HKDC1: variants seen among roughly 807,000 people sequenced by gnomAD.
The protein encoded by HKDC1 is hexokinase domain containing 1.
Under a neutral mutation model 96.6 loss-of-function variants are expected in HKDC1, and 66 were observed. That is an observed-to-expected ratio of 0.68 (90% CI 0.56 to 0.84). The LOEUF is 0.84. HKDC1 is among the 40% of genes least tolerant of loss of function. The probability of loss-of-function intolerance (pLI) is 0.00; values close to 1 mark genes in which losing one functional copy is unlikely to be tolerated. For synonymous variants in HKDC1, 466 were observed against 473.1 expected (o/e 0.98, Z 0.20); for missense variants, 1,211 against 1,208.1 (o/e 1.00, Z -0.04).
Position 69,232,997 on chromosome 10 carries a change from C to T in HKDC1, c.376-17C>T, listed in dbSNP as rs771438238. ...ACCACACCTTAGCCCATGTACTTTG[C>T]TTTCTCTTCTCTGCAGCTGTTTGAA... On this transcript the variant is annotated splice_polypyrimidine_tract_variant and intron_variant, in intron 3 of 17. Transcript: ENST00000354624. 5 of 1,613,658 alleles carry T rather than the reference C, an allele frequency of 3.1e-6. No individual in the cohort carries two copies. In the Admixed American group the frequency reaches 6.7e-5, roughly 22 times the overall value.
At chr10:69,227,758 G>A (rs750351578) in intron 2 of HKDC1, among the ~76,000 whole-genome samples, 3 of 152,164 alleles carry the variant, frequency 2.0e-5, no homozygotes, top group African/African-American at 7.2e-5. Flanking sequence ...CCCACTCTGA[G>A]TCTCCACCAA....
intron 6 of HKDC1, among the ~76,000 whole-genome samples, chr10:69,241,067 A>AAAAAAAC (rs1171821600): frequency 7.2e-5 from 11 of 152,030 alleles, no homozygotes; most frequent in Admixed American, 2.6e-4. Context: ...TTAGCGTGAT[A>AAAAAAAC]AAAAAACAAA....
rs915512740 is a variant in HKDC1, at chr10:69,266,465, A to AC, written c.2607-145_2607-144insC. The AC allele has an allele frequency of 5.0e-6, 4 of 796,338 alleles. No homozygotes were observed. In the Admixed American group the frequency reaches 1.3e-4, roughly 25 times the overall value. 49.3% of individuals were successfully genotyped at this position (796,338 alleles called of 1,614,324 possible). On this transcript the variant is annotated intron_variant, in intron 17 of 17. Coordinates refer to ENST00000354624, the MANE Select transcript of HKDC1 (RefSeq NM_025130.4). The stretch of plus-strand genomic sequence containing the variant: ...GGGCAACAGAGTGAGACCATGTCTA[A>AC]AAAAAAAAAAAAATTAGAAGAAGCT...
chr10:69,247,190 G>A (rs890034019), intron 8 of HKDC1, among the ~76,000 whole-genome samples, 170 bp from the exon 9 acceptor site: 2 of 152,210 alleles, frequency 1.3e-5, no homozygotes, highest in African/African-American at 4.8e-5. Flanking sequence ...CATGGTGACT[G>A]CTCAGTTAGT....
At position 69,267,496 on chromosome 10, in the gene HKDC1, A is replaced by G. The variant is rs577228883; in HGVS notation, c.*739A>G. The G allele has an allele frequency of 1.0e-3, 477 of 455,252 alleles. 4 individuals carry two copies. The highest frequency in any genetic ancestry group is 1.8e-3 in the South Asian group (118 of 64,178). The allele number at this position is 455,252 out of a possible 1,614,324, so 28.2% of individuals were successfully genotyped here. A position where few individuals can be genotyped will look rare whatever the true frequency, so the allele number is the denominator to read the frequency against. On this transcript the variant is annotated 3_prime_UTR_variant, in exon 18 of 18. Coordinates refer to ENST00000354624, the MANE Select transcript of HKDC1 (RefSeq NM_025130.4). ...GCAGGTGTTGATAGTTGTTTTAAGG[A>G]TTGTTAGGTATAGGAAATCCAGTAA... is the stretch of plus-strand genomic sequence containing the variant.
chr10:69,233,530 T>G (rs990657101), intron 4 of HKDC1, among the ~76,000 whole-genome samples: 1 of 152,112 alleles, frequency 6.6e-6, no homozygotes, highest in Admixed American at 6.6e-5. Flanking sequence ...ACCACTGACA[T>G]AGCCAACTAG....
At position 69,266,698 on chromosome 10, in the gene HKDC1, G is replaced by A. The variant is rs373227806; in HGVS notation, c.2695G>A (p.Gly899Arg). ...FMLSEDGSGK[G>R]AALITAVAKR... ...GCTGTCAGAAGATGGCAGTGGAAAA[G>A]GGGCAGCACTGATCACTGCTGTGGC... The change falls in exon 18 of 18, where the codon GGG (glycine) becomes AGG (arginine). Residue 899 changes from glycine (G) to arginine (R), a missense_variant. By Grantham distance (125) the Gly-to-Arg change is moderately radical. Transcript: ENST00000354624. 6.2e-7 allele frequency: 1 copy of A among 1,614,210 alleles called. No individual in the cohort carries two copies. Among genetic ancestry groups the A allele is most frequent in the Non-Finnish European group, 8.5e-7 (1 of 1,180,028 alleles).
chr10:69,232,935 G>A (rs1385233733), intron 3 of HKDC1, 23 bp downstream of exon 3: 1 of 1,612,138 alleles, frequency 6.2e-7, no homozygotes. Flanking sequence ...TGGCTCCTGT[G>A]ACCGCAGGGA....
intron 2 of HKDC1, among the ~76,000 whole-genome samples, chr10:69,229,406 G>A (rs1843214307): frequency 6.6e-6 from 1 of 152,250 alleles, no homozygotes; most frequent in Admixed American, 6.5e-5. Flanking sequence ...GCTTCGGAGA[G>A]AGACAGCCCT....
chr10:69,238,869 A>G (rs572039416), intron 4 of HKDC1, among the ~76,000 whole-genome samples, 173 bp from the exon 5 acceptor site: 14 of 152,252 alleles, frequency 9.2e-5, no homozygotes, highest in Non-Finnish European at 1.9e-4. Context: ...TGAGAGTAAT[A>G]GTCCTTTAAA....
chr10:69,241,305 C>T (rs1044508235), intron 6 of HKDC1, among the ~76,000 whole-genome samples: 1 of 151,770 alleles, frequency 6.6e-6, no homozygotes, highest in Non-Finnish European at 1.5e-5. Context: ...GAGTGGTGTC[C>T]GGATGAGGTG....
At chr10:69,259,726 C>T (rs191803903) in intron 15 of HKDC1, among the ~76,000 whole-genome samples, 22 of 152,212 alleles carry the variant, frequency 1.4e-4, no homozygotes, top group South Asian at 8.3e-4. Context: ...GAAGCAGGCA[C>T]GTCTTACATG....
At chr10:69,250,699 C>T (rs767187537) in intron 12 of HKDC1, 47 bp downstream of exon 12, 2 of 1,605,342 alleles carry the variant, frequency 1.2e-6, no homozygotes, top group African/African-American at 2.7e-5. Context: ...GGGCTTCCTT[C>T]CTCTTCTGGG....
chr10:69,247,022 C>T (rs972254954), intron 8 of HKDC1, among the ~76,000 whole-genome samples: 2 of 152,254 alleles, frequency 1.3e-5, no homozygotes, highest in East Asian at 3.8e-4. Context: ...AATCTCGGCT[C>T]TAGCCCTTAC....
chr10:69,221,008 G>A (rs1486693703), intron 1 of HKDC1, among the ~76,000 whole-genome samples: 1 of 152,062 alleles, frequency 6.6e-6, no homozygotes, highest in Non-Finnish European at 1.5e-5. Flanking sequence ...AAATTAGCTG[G>A]GTGTGGTGGC....
At chr10:69,243,114 C>T in intron 6 of HKDC1, 68 bp from the exon 7 acceptor site, 1 of 1,512,308 alleles carries the variant, frequency 6.6e-7, no homozygotes, top group Non-Finnish European at 9.2e-7. Context: ...CCCCAGCAGT[C>T]AAGAGTTCTC....
rs1382496653 is a variant in HKDC1, at chr10:69,232,919, G to A, written c.375+7G>A. The A allele has an allele frequency of 6.2e-7, 1 of 1,612,074 alleles. No homozygotes were observed. The highest frequency in any genetic ancestry group is 8.5e-7 in the Non-Finnish European group (1 of 1,180,040). Reference sequence around the variant, plus strand: ...CCGCGGGAACGGCACAGAGGTACCTGGCAGGTGGCTCCTGTGACCGCAGGG... The same window carrying A: ...CCGCGGGAACGGCACAGAGGTACCTAGCAGGTGGCTCCTGTGACCGCAGGG... On this transcript the variant is annotated splice_region_variant and intron_variant, in intron 3 of 17. Coordinates refer to ENST00000354624, the MANE Select transcript of HKDC1 (RefSeq NM_025130.4).
chr10:69,258,061 C>A (rs1277867716), intron 14 of HKDC1, among the ~76,000 whole-genome samples: 1 of 152,158 alleles, frequency 6.6e-6, no homozygotes, highest in Non-Finnish European at 1.5e-5. Flanking sequence ...ATTTGATCAT[C>A]TGGGCTTTCT....
rs769378829 is a variant in HKDC1 at position 69,240,681 on chromosome 10, C to T, written c.621C>T (p.Val207=). 9.9e-6 allele frequency: 16 copies of T among 1,613,940 alleles called. No homozygotes were observed. In the African/African-American group the frequency reaches 2.1e-4, roughly 22 times the overall value. Residue 207 remains valine (V), a synonymous_variant, in exon 6 of 18, where the codon GTC becomes GTT. Transcript: ENST00000354624. The stretch of plus-strand genomic sequence containing the variant: ...TGGACGTGGACATCCTGGCCCTGGT[C>T]AATGACACCGTGGGGACCATGATGA... The part of the protein sequence containing the change: ...KDMDVDILAL[V]NDTVGTMMTC...
Sources: allele counts gnomAD v4.1 joint callset (sites outside exome capture counted in the v4.1 genomes callset), GRCh38; gene constraint gnomAD v4.1.1; transcripts MANE v1.5; gene names NCBI Gene and HGNC (gene_info 2026-07-23, HGNC 2026-07-21).